MTMR14: variants seen among roughly 807,000 people sequenced by gnomAD.
MTMR14 encodes phosphatidylinositol-3,5-bisphosphate 3-phosphatase MTMR14.
MTMR14 carries 48 observed loss-of-function variants against 86.3 expected under a neutral mutation model. That is an observed-to-expected ratio of 0.56 (90% CI 0.44 to 0.71). The LOEUF (loss-of-function observed/expected upper bound fraction) is 0.71, where lower values mean the gene tolerates loss of function less well. Among genes scored for constraint, MTMR14 ranks in the 30% least tolerant of loss-of-function variants. MTMR14 has a pLI of 0.00. For synonymous variants in MTMR14, 366 were observed against 326.1 expected (o/e 1.12, Z -1.32); for missense variants, 780 against 834.6 (o/e 0.93, Z 0.81).
At chr3:9,675,531 GTTTC>G (rs555224288) in intron 7 of MTMR14, 92 of 456,440 alleles carry the variant, frequency 2.0e-4, no homozygotes, top group Non-Finnish European at 3.7e-4. Flanking sequence ...TTCTGGGATC[GTTTC>G]TTTCAGCACA....
At chr3:9,655,705 G>C (rs6772609) in intron 2 of MTMR14, among the ~76,000 whole-genome samples, 151,310 of 151,312 alleles carry the variant, frequency 1, 75,654 homozygotes, top group Middle Eastern at 1. Context: ...TCATGATCCA[G>C]CCGCCTCGGC....
chr3:9,652,054 T>C (rs2047331194), intron 1 of MTMR14, among the ~76,000 whole-genome samples: 1 of 152,092 alleles, frequency 6.6e-6, no homozygotes, highest in Admixed American at 6.6e-5. Context: ...ATTATCTCAA[T>C]CTCTTGAACT....
chr3:9,673,815 C>A (rs1233330227), intron 7 of MTMR14, among the ~76,000 whole-genome samples: 2 of 143,936 alleles, frequency 1.4e-5, no homozygotes, highest in African/African-American at 5.9e-5. Flanking sequence ...AGTGCCAGAC[C>A]CCTCCATAAC....
chr3:9,680,555 G>A (rs561658858), intron 9 of MTMR14, among the ~76,000 whole-genome samples: 60 of 152,294 alleles, frequency 3.9e-4, no homozygotes, highest in Non-Finnish European at 6.6e-4. Context: ...TGATCTTCCT[G>A]CAGCCCATGG....
Position 9,677,300 on chromosome 3 carries a change from C to T in MTMR14, c.752-17C>T, listed in dbSNP as rs753626460. ...GGCTGGGAAGGGAGATGTCATAACT[C>T]TGCCCTTCTTTTCCAGGCTGTGAAT... On this transcript the variant is annotated splice_polypyrimidine_tract_variant and intron_variant, in intron 7 of 18. Coordinates refer to ENST00000296003, the MANE Select transcript of MTMR14 (RefSeq NM_001077525.3). The surrounding 1 kb of genome is among the most constrained non-coding windows in gnomAD (Gnocchi z 4.2). 2 of 1,612,290 alleles carry T rather than the reference C, an allele frequency of 1.2e-6. No homozygotes were observed. The highest frequency in any genetic ancestry group is 1.7e-6 in the Non-Finnish European group (2 of 1,178,376).
At chr3:9,659,982 C>A (rs1301851601) in intron 2 of MTMR14, among the ~76,000 whole-genome samples, 1 of 152,186 alleles carries the variant, frequency 6.6e-6, no homozygotes, top group African/African-American at 2.4e-5. Flanking sequence ...GTTCAGAGGG[C>A]TGGTATGAGC....
At chr3:9,658,618 C>T (rs1409518395) in intron 2 of MTMR14, among the ~76,000 whole-genome samples, 5 of 152,250 alleles carry the variant, frequency 3.3e-5, no homozygotes, top group Non-Finnish European at 7.3e-5. Context: ...TTTAGAATCT[C>T]AGCTACCCTG....
chr3:9,657,863 A>G (rs1387816139), intron 2 of MTMR14, among the ~76,000 whole-genome samples: 2 of 152,176 alleles, frequency 1.3e-5, no homozygotes, highest in African/African-American at 4.8e-5. Context: ...CCACTCTTTT[A>G]TAGATGAAGT....
intron 1 of MTMR14, among the ~76,000 whole-genome samples, chr3:9,653,406 T>C (rs1319417761): frequency 2.0e-5 from 3 of 147,386 alleles, no homozygotes; most frequent in Non-Finnish European, 4.4e-5. Context: ...TTCAGATTCA[T>C]TGTTAGGGGT....
At chr3:9,668,842 A>G (rs1206769413) in intron 4 of MTMR14, 48 bp downstream of exon 4, 2 of 1,593,242 alleles carry the variant, frequency 1.3e-6, no homozygotes, top group South Asian at 1.1e-5. Flanking sequence ...ACCCAGTCAT[A>G]GAGAATAGCT....
intron 13 of MTMR14, among the ~76,000 whole-genome samples, chr3:9,685,709 A>G (rs1277580501): frequency 6.7e-6 from 1 of 149,408 alleles, no homozygotes; most frequent in Non-Finnish European, 1.5e-5. Context: ...GGTTGCCTCC[A>G]GGTCCCCTTT....
Position 9,678,156 on chromosome 3 carries a change from A to T in MTMR14, c.897+98A>T. 3 of 1,272,856 alleles carry T rather than the reference A, an allele frequency of 2.4e-6. 1 individual carries two copies. Among genetic ancestry groups the T allele is most frequent in the South Asian group, 2.6e-5 (2 of 76,082 alleles). The allele number at this position is 1,272,856 out of a possible 1,614,324, so 78.8% of individuals were successfully genotyped here. ...CACAAGGCCCTCGTGTGTTTGCCTG[A>T]TGGGCTGGCTTGTGCACTCAGATGC... On this transcript the variant is annotated intron_variant, in intron 9 of 18. Coordinates refer to ENST00000296003, the MANE Select transcript of MTMR14 (RefSeq NM_001077525.3).
chr3:9,663,698 A>G (rs538024308), intron 3 of MTMR14, among the ~76,000 whole-genome samples: 19 of 148,092 alleles, frequency 1.3e-4, no homozygotes, highest in African/African-American at 4.0e-4. Context: ...CATTTTCAGT[A>G]GAGACGGGGC....
chr3:9,662,297 G>A lies in MTMR14; in HGVS notation c.339G>A (p.Leu113=). The stretch of plus-strand genomic sequence containing the variant: ...AGAGTACCGTACAGGTGAGCAAGTT[G>A]CAAGACCTCATCCACCGCAGCAAGA... ...TFESTVQVSK[L]QDLIHRSKMA... The change falls in exon 3 of 19, where the codon TTG becomes TTA. Residue 113 remains leucine (L), a synonymous_variant. Transcript: ENST00000296003. 6.2e-7 allele frequency: 1 copy of A among 1,613,310 alleles called. No homozygotes were observed. Among genetic ancestry groups the A allele is most frequent in the South Asian group, 1.1e-5 (1 of 91,008 alleles).
intron 16 of MTMR14, 144 bp from the exon 17 acceptor site, chr3:9,689,820 G>A: frequency 1.3e-6 from 1 of 784,120 alleles, no homozygotes; most frequent in South Asian, 1.7e-5. Context: ...CCATGGCCCT[G>A]AGCTGGAGAG....
intron 1 of MTMR14, among the ~76,000 whole-genome samples, chr3:9,651,769 G>A (rs1289007409): frequency 6.6e-6 from 1 of 151,630 alleles, no homozygotes; most frequent in East Asian, 1.9e-4. Context: ...GGATTCAAGC[G>A]ATCCTCCTGC....
chr3:9,652,337 A>C (rs1185032382), intron 1 of MTMR14, among the ~76,000 whole-genome samples: 1 of 152,204 alleles, frequency 6.6e-6, no homozygotes, highest in Non-Finnish European at 1.5e-5. Flanking sequence ...AACTGTGATC[A>C]AAATAAGTAA....
At chr3:9,685,851 C>T (rs2075928562) in intron 13 of MTMR14, among the ~76,000 whole-genome samples, 1 of 152,164 alleles carries the variant, frequency 6.6e-6, no homozygotes, top group Non-Finnish European at 1.5e-5. Flanking sequence ...GTTTTCCTTG[C>T]AATGCAGGTC....
chr3:9,654,983 A>G (rs1212102097), intron 2 of MTMR14, among the ~76,000 whole-genome samples: 1 of 152,222 alleles, frequency 6.6e-6, no homozygotes, highest in Non-Finnish European at 1.5e-5. Context: ...GGATCAACTC[A>G]TATAGGATCT....
Sources: gnomAD v4.1 joint callset for allele counts (sites outside exome capture counted in the v4.1 genomes callset) on GRCh38, gnomAD v4.1.1 for gene constraint, Gnocchi (gnomAD v3.1) non-coding constraint, MANE v1.5 for transcripts, NCBI Gene and HGNC (gene_info 2026-07-23, HGNC 2026-07-21) for gene names.